CLEC2A: variants seen among roughly 807,000 people sequenced by gnomAD.
CLEC2A encodes the protein C-type lectin domain family 2 member A, also known as keratinocyte-associated C-type lectin.
In CLEC2A, 19 loss-of-function variants were observed where a neutral mutation model predicts 18.6. That is an observed-to-expected ratio of 1.02 (90% CI 0.71 to 1.50). CLEC2A has a LOEUF of 1.50. Ranked by LOEUF, CLEC2A falls within the 40% of genes most tolerant of loss-of-function variation. The probability of loss-of-function intolerance (pLI) is 0.00; values close to 1 mark genes in which losing one functional copy is unlikely to be tolerated. For synonymous variants in CLEC2A, 74 were observed against 64.0 expected, an observed-to-expected ratio of 1.16 and a Z score of -0.75; for missense variants, 190 against 207.9, an observed-to-expected ratio of 0.91 and a Z score of 0.53.
chr12:9,880,520 ATGTGTGTG>A, the CLEC2A span, among the ~76,000 whole-genome samples: 1 of 147,308 alleles, frequency 6.8e-6, no homozygotes, highest in African/African-American at 2.5e-5. Flanking sequence ...AACCATTAGC[ATGTGTGTG>A]TGTGTGTGTG....
chr12:9,888,234 T>A, the CLEC2A span, among the ~76,000 whole-genome samples: 1 of 151,988 alleles, frequency 6.6e-6, no homozygotes, highest in Non-Finnish European at 1.5e-5. Flanking sequence ...CTCACACCTG[T>A]AATCTCAGCA....
At chr12:9,915,485 A>T (rs1263324376) in intron 4 of CLEC2A, among the ~76,000 whole-genome samples, 2 of 152,250 alleles carry the variant, frequency 1.3e-5, no homozygotes, top group African/African-American at 2.4e-5. Flanking sequence ...GGTTAAAAAA[A>T]AATGTGGTAC....
At chr12:9,919,922 T>TG (rs1863137288) in intron 3 of CLEC2A, among the ~76,000 whole-genome samples, 1 of 152,012 alleles carries the variant, frequency 6.6e-6, no homozygotes. Flanking sequence ...GGAATGGGAT[T>TG]GGGTACCCAC....
At chr12:9,930,494 C>T (rs540168621) in intron 1 of CLEC2A, among the ~76,000 whole-genome samples, 2 of 152,116 alleles carry the variant, frequency 1.3e-5, no homozygotes, top group East Asian at 3.9e-4. Flanking sequence ...GTTCTCTCGT[C>T]TTTTCTAATA....
chr12:9,926,706 A>T (rs1405061905), intron 1 of CLEC2A, among the ~76,000 whole-genome samples: 1 of 152,208 alleles, frequency 6.6e-6, no homozygotes, highest in African/African-American at 2.4e-5. Context: ...TGTTTATAAC[A>T]GATATATAAG....
Position 9,913,440 on chromosome 12 carries a change from A to C in CLEC2A, c.*126T>G. 2 of 1,421,922 alleles carry C rather than the reference A, an allele frequency of 1.4e-6. No homozygotes were observed. The highest frequency in any genetic ancestry group is 2.6e-5 in the East Asian group (1 of 38,776). The allele number at this position is 1,421,922 out of a possible 1,614,324, so 88.1% of individuals were successfully genotyped here. ...CACAGCAAGAAGTTTCCATCTATAA[A>C]CTAGAAAATGGGCCCTCACCAGAGG... On this transcript the variant is annotated 3_prime_UTR_variant, in exon 5 of 5. Coordinates refer to ENST00000455827, the MANE Select transcript of CLEC2A (RefSeq NM_001130711.2).
At chr12:9,926,405 C>T (rs1188195909) in intron 1 of CLEC2A, 62 bp from the exon 2 acceptor site, 1 of 955,810 alleles carries the variant, frequency 1.0e-6, no homozygotes, top group Non-Finnish European at 1.6e-6. Context: ...GATATTATTA[C>T]TGGTGTATTC....
At chr12:9,893,636 T>C in the CLEC2A span, 1 of 475,692 alleles carries the variant, frequency 2.1e-6, no homozygotes, top group Non-Finnish European at 3.6e-6. Context: ...CTTCTTTCTC[T>C]GTTTTCCCTT....
At chr12:9,883,670 T>C in the CLEC2A span, among the ~76,000 whole-genome samples, 1 of 152,208 alleles carries the variant, frequency 6.6e-6, no homozygotes, top group African/African-American at 2.4e-5. Context: ...CATATTTGCT[T>C]GAACAGCAGA....
exon 5 of CLEC2A, chr12:9,898,937 T>C (rs376803831): frequency 2.8e-6 from 2 of 716,512 alleles, no homozygotes; most frequent in Non-Finnish European, 2.6e-6. Context: ...GAAGCCATTG[T>C]CGGAGGCTCC....
At chr12:9,904,062 T>A (rs1862872496) in intron 4 of CLEC2A, among the ~76,000 whole-genome samples, 1 of 152,198 alleles carries the variant, frequency 6.6e-6, no homozygotes, top group Non-Finnish European at 1.5e-5. Context: ...TGGCAATGGA[T>A]CAGGGCAGAC....
At chr12:9,898,567 C>T (rs936462118), downstream of CLEC2A, 1 of 202,048 alleles carries the variant, frequency 4.9e-6, no homozygotes, top group African/African-American at 2.3e-5. Context: ...TGGTGAGCAG[C>T]AGGACCTAGA....
intron 4 of CLEC2A, among the ~76,000 whole-genome samples, chr12:9,901,582 G>A (rs1197900152): frequency 2.6e-5 from 4 of 152,134 alleles, no homozygotes; most frequent in Non-Finnish European, 5.9e-5. Flanking sequence ...ACCTAAACAT[G>A]TCAAATAATC....
At chr12:9,879,916 C>T in the CLEC2A span, among the ~76,000 whole-genome samples, 2 of 152,202 alleles carry the variant, frequency 1.3e-5, no homozygotes, top group African/African-American at 4.8e-5. Context: ...GCAGATGGCT[C>T]AGACTCCGAT....
At chr12:9,885,564 A>C in the CLEC2A span, among the ~76,000 whole-genome samples, 1 of 151,892 alleles carries the variant, frequency 6.6e-6, no homozygotes, top group Non-Finnish European at 1.5e-5. Context: ...TTTTGAGATG[A>C]GATTTCTAAA....
rs191142031 is a variant in CLEC2A, at chr12:9,917,509, C to A, written c.307-706G>T. 2.6e-5 allele frequency among the ~76,000 whole-genome samples: 4 copies of A among 152,268 alleles called. No homozygotes were observed. The East Asian group carries it at 7.7e-4, about 29-fold the overall frequency. On this transcript the variant is annotated intron_variant, in intron 3 of 4. Transcript: ENST00000455827. Reference sequence around the variant, plus strand: ...ATTAACTAATTAAAAGTGAGTCTTACCCAATCCAAATATACATGTCAGTAC... The same window carrying A: ...ATTAACTAATTAAAAGTGAGTCTTAACCAATCCAAATATACATGTCAGTAC...
Position 9,913,351 on chromosome 12 carries a change from A to G in CLEC2A, c.*215T>C. 4.5e-6 allele frequency: 3 copies of G among 669,004 alleles called. No homozygotes were observed. The highest frequency in any genetic ancestry group is 6.8e-6 in the Non-Finnish European group (3 of 442,874). The allele number at this position is 669,004 out of a possible 1,614,324, so 41.4% of individuals were successfully genotyped here. On this transcript the variant is annotated 3_prime_UTR_variant, in exon 5 of 5. Transcript: ENST00000455827. ...TAGTTCATGAGGATGGAGCCATAGT[A>G]AATGTGATTGTGCCCTTATAAAAGG...
the CLEC2A span, among the ~76,000 whole-genome samples, chr12:9,887,614 A>G: frequency 6.6e-6 from 1 of 152,196 alleles, no homozygotes; most frequent in African/African-American, 2.4e-5. Context: ...GACTTTTCAA[A>G]TTAACAACTG....
intron 4 of CLEC2A, among the ~76,000 whole-genome samples, chr12:9,905,791 T>A (rs1862898707): frequency 6.6e-6 from 1 of 152,170 alleles, no homozygotes; most frequent in Admixed American, 6.5e-5. Flanking sequence ...TTTCTATTAA[T>A]CCAAGCTTAG....
Sources: allele counts gnomAD v4.1 joint callset (sites outside exome capture counted in the v4.1 genomes callset), GRCh38; gene constraint gnomAD v4.1.1; transcripts MANE v1.5; gene names NCBI Gene and HGNC (gene_info 2026-07-23, HGNC 2026-07-21).